NLGN4Y: variants seen among roughly 807,000 people sequenced by gnomAD.
NLGN4Y encodes the protein neuroligin 4 Y-linked.
NLGN4Y carries 4 observed loss-of-function variants against 8.4 expected under a neutral mutation model. That is an observed-to-expected ratio of 0.48 (90% CI 0.23 to 1.09). The LOEUF (loss-of-function observed/expected upper bound fraction) is 1.09, where lower values mean the gene tolerates loss of function less well. Among genes scored for constraint, NLGN4Y ranks in the 50% least tolerant of loss-of-function variants. The pLI is 0.19. For synonymous variants in NLGN4Y, 35 were observed against 75.6 expected (o/e 0.46, Z 2.78); for missense variants, 90 against 192.3 (o/e 0.47, Z 3.15).
intron 1 of NLGN4Y, among the ~76,000 whole-genome samples, chrY:14,581,158 A>G (rs2080318393): frequency 3.0e-5 from 1 of 32,827 alleles, no homozygotes; most frequent in Non-Finnish European, 7.5e-5. Flanking sequence ...ATTTAGATTG[A>G]GCAAACTTCA....
In NLGN4Y at chrY:14,601,938, A is replaced by T. The variant is rs777243455; in HGVS notation, c.-111-20071A>T. On this transcript the variant is annotated intron_variant, in intron 1 of 6. Transcript: ENST00000684976. ...TCTCAAATAAGGGGGTTAAAAAAAA[A>T]AGAGGTCACTGGTACAAGCCCTTGT... 1.2e-4 allele frequency among the ~76,000 whole-genome samples: 4 copies of T among 32,448 alleles called. No homozygotes were observed. The East Asian group carries it at 3.3e-3, about 27-fold the overall frequency. 87.1% of individuals were successfully genotyped at this position (32,448 alleles called of 37,273 possible).
intron 2 of NLGN4Y, among the ~76,000 whole-genome samples, chrY:14,703,367 G>C: frequency 6.0e-5 from 2 of 33,560 alleles, no homozygotes; most frequent in Admixed American, 2.7e-4. Context: ...TCCAGTTTCA[G>C]CTTTCACATA....
At chrY:14,807,120 G>T (rs752013593) in intron 4 of NLGN4Y, among the ~76,000 whole-genome samples, 248 of 33,468 alleles carry the variant, frequency 7.4e-3, no homozygotes, top group African/African-American at 0.028. Context: ...GGTTAAAGCA[G>T]CAAGCCAGTA....
intron 2 of NLGN4Y, among the ~76,000 whole-genome samples, chrY:14,656,854 A>T: frequency 9.8e-5 from 3 of 30,538 alleles, no homozygotes; most frequent in African/African-American, 3.8e-4. Context: ...AGAATTTCAG[A>T]TGTATTGCAA....
intron 4 of NLGN4Y, among the ~76,000 whole-genome samples, chrY:14,803,572 C>G (rs2043045629): frequency 3.1e-5 from 1 of 32,253 alleles, no homozygotes; most frequent in Admixed American, 3.0e-4. Context: ...TTTATAATGC[C>G]TGAAGCTCTT....
intron 4 of NLGN4Y, among the ~76,000 whole-genome samples, chrY:14,809,910 T>C: frequency 3.0e-5 from 1 of 33,895 alleles, no homozygotes; most frequent in African/African-American, 1.1e-4. Flanking sequence ...GTTATTTTTA[T>C]GCATCAGAAT....
At chrY:14,662,074 A>G in intron 2 of NLGN4Y, among the ~76,000 whole-genome samples, 4 of 34,180 alleles carry the variant, frequency 1.2e-4, no homozygotes, top group African/African-American at 4.5e-4. Flanking sequence ...ATCTGAATGA[A>G]TGGATTTCAA....
intron 1 of NLGN4Y, among the ~76,000 whole-genome samples, chrY:14,547,935 A>G: frequency 3.0e-5 from 1 of 33,155 alleles, no homozygotes. Flanking sequence ...ATAACCATCC[A>G]AAGTTGCAGT....
chrY:14,833,046 C>G (rs755641797), intron 6 of NLGN4Y, among the ~76,000 whole-genome samples: 1 of 32,846 alleles, frequency 3.0e-5, no homozygotes, highest in East Asian at 7.9e-4. Context: ...TGTTTATAGG[C>G]CTATACTTCC....
intron 2 of NLGN4Y, among the ~76,000 whole-genome samples, chrY:14,702,014 T>A: frequency 3.2e-5 from 1 of 31,559 alleles, no homozygotes; most frequent in Non-Finnish European, 7.7e-5. Context: ...TATTTTTTAC[T>A]CTTTGAATTC....
At chrY:14,817,673 T>C in intron 4 of NLGN4Y, among the ~76,000 whole-genome samples, 1 of 33,032 alleles carries the variant, frequency 3.0e-5, no homozygotes, top group African/African-American at 1.2e-4. Flanking sequence ...AGATCTGGGA[T>C]AGCACCTGAC....
intron 1 of NLGN4Y, among the ~76,000 whole-genome samples, chrY:14,600,299 A>G (rs2080422584): frequency 3.2e-5 from 1 of 31,671 alleles, no homozygotes; most frequent in Non-Finnish European, 7.6e-5. Context: ...CTCCAAACTA[A>G]GCAACTGAAA....
intron 2 of NLGN4Y, among the ~76,000 whole-genome samples, chrY:14,658,228 A>G: frequency 6.0e-5 from 2 of 33,477 alleles, no homozygotes; most frequent in Non-Finnish European, 1.5e-4. Flanking sequence ...TCTGGAAGGT[A>G]GACTAGAAAA....
chrY:14,767,176 A>G, intron 4 of NLGN4Y, among the ~76,000 whole-genome samples: 1 of 33,400 alleles, frequency 3.0e-5, no homozygotes, highest in Non-Finnish European at 7.4e-5. Context: ...AAGACACATT[A>G]TAATGTCAGT....
intron 1 of NLGN4Y, among the ~76,000 whole-genome samples, chrY:14,604,151 G>T (rs772131788): frequency 6.1e-5 from 2 of 32,815 alleles, no homozygotes; most frequent in Admixed American, 5.6e-4. Flanking sequence ...GATACCCCAG[G>T]GACATTACTT....
At position 14,752,509 on chromosome Y, in the gene NLGN4Y, A is replaced by G. The variant is rs764578628; in HGVS notation, c.685+29240A>G. Among the ~76,000 whole-genome samples, 16 of 33,629 alleles carry G rather than the reference A, an allele frequency of 4.8e-4. No homozygotes were observed. In the East Asian group the frequency reaches 7.7e-3, roughly 16 times the overall value. 90.2% of individuals were successfully genotyped at this position (33,629 alleles called of 37,273 possible). A position where few individuals can be genotyped will look rare whatever the true frequency, so the allele number is the denominator to read the frequency against. ...CTTTAAACATTGAACAGACATATTC[A>G]TGGAATTGTACATCCTTATACACAT... On this transcript the variant is annotated intron_variant, in intron 4 of 6. Transcript: ENST00000684976.
At chrY:14,714,806 C>A in intron 2 of NLGN4Y, among the ~76,000 whole-genome samples, 1 of 33,569 alleles carries the variant, frequency 3.0e-5, no homozygotes, top group African/African-American at 1.2e-4. Context: ...AGATCTTCTG[C>A]ACAGCAAAAG....
chrY:14,651,795 G>A, intron 2 of NLGN4Y, among the ~76,000 whole-genome samples: 1 of 33,066 alleles, frequency 3.0e-5, no homozygotes, highest in Admixed American at 2.8e-4. Flanking sequence ...CAATGTCAAG[G>A]AGAGATTTTT....
intron 2 of NLGN4Y, among the ~76,000 whole-genome samples, chrY:14,697,152 G>T: frequency 3.1e-5 from 1 of 31,931 alleles, no homozygotes; most frequent in Non-Finnish European, 7.6e-5. Context: ...GGATTATCTT[G>T]CTGACCATTA....
Sources: gnomAD v4.1 joint callset for allele counts (sites outside exome capture counted in the v4.1 genomes callset) on GRCh38, gnomAD v4.1.1 for gene constraint, MANE v1.5 for transcripts, NCBI Gene and HGNC (gene_info 2026-07-23, HGNC 2026-07-21) for gene names.